Variants in NT5DC3 observed in about 807,000 individuals in gnomAD.
NT5DC3 encodes the protein 5'-nucleotidase domain-containing protein 3.
NT5DC3 carries 42 observed loss-of-function variants against 67.8 expected under a neutral mutation model. The observed-to-expected ratio is 0.62, with a 90% CI of 0.48 to 0.80. NT5DC3 has a LOEUF of 0.80. Among genes scored for constraint, NT5DC3 ranks in the 30% least tolerant of loss-of-function variants. The pLI is 0.00. For missense variants in NT5DC3, 570 were observed against 696.4 expected (o/e 0.82, Z 2.04); for synonymous variants, 237 against 255.6 (o/e 0.93, Z 0.69).
chr12:103,838,004 C>T (rs1888222988), intron 1 of NT5DC3, among the ~76,000 whole-genome samples: 1 of 152,182 alleles, frequency 6.6e-6, no homozygotes, highest in African/African-American at 2.4e-5. Context: ...AAGAGGTTTA[C>T]TTGGACTTAT....
intron 13 of NT5DC3, 32 bp downstream of exon 13, chr12:103,780,268 G>A: frequency 1.3e-6 from 2 of 1,581,318 alleles, no homozygotes; most frequent in Non-Finnish European, 1.7e-6. Flanking sequence ...ACAGGGTGGT[G>A]GACGCGCACA....
At chr12:103,839,056 C>T (rs1888269480) in intron 1 of NT5DC3, among the ~76,000 whole-genome samples, 1 of 152,178 alleles carries the variant, frequency 6.6e-6, no homozygotes, top group Non-Finnish European at 1.5e-5. Context: ...ATACATGAAC[C>T]TACATGTGAG....
intron 1 of NT5DC3, among the ~76,000 whole-genome samples, chr12:103,822,426 C>CAA (rs763335695): frequency 6.6e-6 from 1 of 151,872 alleles, no homozygotes; most frequent in Non-Finnish European, 1.5e-5. Flanking sequence ...CTCGAATTAC[C>CAA]AAAAAAAGCG....
chr12:103,777,892 G>GGGCAGTTC lies in NT5DC3; in HGVS notation c.1576_1583dup (p.Ala529AsnfsTer58), dbSNP rs1566096456. The GGGCAGTTC allele has an allele frequency of 6.2e-7, 1 of 1,614,148 alleles. No individual in the cohort carries two copies. ...AGGTGGGGGGCCTTTCTGACCAGGC[G>GGGCAGTTC]GGCAGTTCGTGCTGCAGTGGAGTCC... On this transcript the variant is annotated frameshift_variant, in exon 14 of 14. Coordinates refer to ENST00000392876, the MANE Select transcript of NT5DC3 (RefSeq NM_001031701.3). LOFTEE classifies it low-confidence loss of function (END_TRUNC).
rs150735554 is a variant in NT5DC3, at chr12:103,799,711, A to G, written c.525-1034T>C. 1.1e-3 allele frequency among the ~76,000 whole-genome samples: 162 copies of G among 149,422 alleles called. 1 individual carries two copies. The highest frequency in any genetic ancestry group is 3.8e-3 in the African/African-American group (156 of 40,734). ...GCACCACCACCTTGGAGAGGAAATGACCCTGAATGCTTTGTGACACTGAAG... is the reference window on the plus strand; with the variant it reads ...GCACCACCACCTTGGAGAGGAAATGGCCCTGAATGCTTTGTGACACTGAAG... On this transcript the variant is annotated intron_variant, in intron 4 of 13. Coordinates refer to ENST00000392876, the MANE Select transcript of NT5DC3 (RefSeq NM_001031701.3).
intron 5 of NT5DC3, among the ~76,000 whole-genome samples, chr12:103,797,582 CCA>C (rs1886375789): frequency 6.6e-6 from 1 of 152,186 alleles, no homozygotes. Flanking sequence ...CTGATTTCCC[CCA>C]GAGTCTAATC....
chr12:103,747,606 C>G, the NT5DC3 span, among the ~76,000 whole-genome samples: 3 of 152,152 alleles, frequency 2.0e-5, no homozygotes, highest in South Asian at 6.2e-4. Flanking sequence ...TGGCTGGAAT[C>G]TCATCATTGG....
chr12:103,831,666 A>G (rs1050254080), intron 1 of NT5DC3, among the ~76,000 whole-genome samples: 6 of 152,028 alleles, frequency 3.9e-5, no homozygotes, highest in Non-Finnish European at 7.4e-5. Context: ...TGTGCGCCCA[A>G]TGCCTAGTCT....
rs775220161 is a variant in NT5DC3 at position 103,788,845 on chromosome 12, T to C, written c.1094A>G (p.Tyr365Cys). Residue 365 changes from tyrosine (Y) to cysteine (C), a missense_variant, in exon 10 of 14, where the codon TAC becomes TGC. Physicochemically the swap from Tyr to Cys is radical, Grantham distance 194 (BLOSUM62 -2). Around this residue, in one of 2 missense-constraint regions of NT5DC3, gnomAD observed 466 missense variants for 608.0 expected, o/e 0.77. Coordinates refer to ENST00000392876, the MANE Select transcript of NT5DC3 (RefSeq NM_001031701.3). ...CAGCTGGTCATGAGATACCTGCTTGTATATCTGGCCTTTCTGCAACTTATG... is the reference window on the plus strand; with the variant it reads ...CAGCTGGTCATGAGATACCTGCTTGCATATCTGGCCTTTCTGCAACTTATG... ...KIHKLQKGQI[Y>C]KQGNLYEFLK... The C allele has an allele frequency of 6.2e-7, 1 of 1,608,454 alleles. No homozygotes were observed. Among genetic ancestry groups the C allele is most frequent in the Non-Finnish European group, 8.5e-7 (1 of 1,174,848 alleles).
At chr12:103,753,435 T>A in the NT5DC3 span, 1 of 1,590,038 alleles carries the variant, frequency 6.3e-7, no homozygotes, top group Non-Finnish European at 8.6e-7. Context: ...GGGGAAGACT[T>A]GAGCTGTTGC....
intron 9 of NT5DC3, among the ~76,000 whole-genome samples, chr12:103,790,310 C>T (rs1329027335): frequency 3.3e-5 from 5 of 152,076 alleles, no homozygotes; most frequent in Non-Finnish European, 5.9e-5. Flanking sequence ...GAGTCCCACT[C>T]TGTCGCCCAG....
At chr12:103,833,473 C>T (rs1490894451) in intron 1 of NT5DC3, among the ~76,000 whole-genome samples, 1 of 152,014 alleles carries the variant, frequency 6.6e-6, no homozygotes, top group Admixed American at 6.5e-5. Context: ...TATTATTATC[C>T]TTGTGTCTTA....
At chr12:103,802,173 T>G (rs1464474534) in intron 4 of NT5DC3, 1 of 152,220 alleles carries the variant, frequency 6.6e-6, no homozygotes, top group Non-Finnish European at 1.5e-5. Flanking sequence ...ACACTGTCCA[T>G]ACTCCTTGAC....
At chr12:103,825,860 G>C (rs1398286363) in intron 1 of NT5DC3, among the ~76,000 whole-genome samples, 1 of 152,164 alleles carries the variant, frequency 6.6e-6, no homozygotes, top group Admixed American at 6.5e-5. Context: ...AAAGAAATAT[G>C]TATGCCTATA....
intron 1 of NT5DC3, among the ~76,000 whole-genome samples, chr12:103,828,832 G>A (rs1887806068): frequency 6.6e-6 from 1 of 151,866 alleles, no homozygotes; most frequent in Non-Finnish European, 1.5e-5. Flanking sequence ...CCAAGTAGCT[G>A]GGATTACAGG....
chr12:103,793,100 A>T (rs1257783949), intron 9 of NT5DC3, 64 bp downstream of exon 9: 2 of 1,144,416 alleles, frequency 1.7e-6, no homozygotes, highest in African/African-American at 1.6e-5. Context: ...ACCAAGACAC[A>T]CCATCTATAT....
chr12:103,781,710 C>A (rs972923393), intron 12 of NT5DC3, among the ~76,000 whole-genome samples: 7 of 152,220 alleles, frequency 4.6e-5, no homozygotes, highest in African/African-American at 1.4e-4. Flanking sequence ...GTTCTGAAAT[C>A]CACTTTAAAA....
intron 5 of NT5DC3, 22 bp from the exon 6 acceptor site, chr12:103,797,053 T>C (rs145553160): frequency 6.2e-7 from 1 of 1,613,640 alleles, no homozygotes; most frequent in African/African-American, 1.3e-5. Flanking sequence ...GTGGAAGGAA[T>C]GCTTTAGAAA....
chr12:103,755,453 G>C, the NT5DC3 span: 1 of 1,613,908 alleles, frequency 6.2e-7, no homozygotes, highest in Non-Finnish European at 8.5e-7. Flanking sequence ...GATGTCTTCT[G>C]CTATCGGATG....
Sources: allele counts gnomAD v4.1 joint callset (sites outside exome capture counted in the v4.1 genomes callset), GRCh38; gene constraint gnomAD v4.1.1; regional missense constraint gnomAD v4.1.1; transcripts MANE v1.5; gene names NCBI Gene and HGNC (gene_info 2026-07-23, HGNC 2026-07-21).